SEMA6A: variants seen among roughly 807,000 people sequenced by gnomAD.
SEMA6A encodes the protein semaphorin 6A.
A neutral mutation model predicts 96.8 loss-of-function variants in SEMA6A; 25 were observed. The ratio of observed to expected loss-of-function variants is 0.26; its 90% CI spans 0.19 to 0.36. SEMA6A has a LOEUF of 0.36. Among genes scored for constraint, SEMA6A ranks in the 10% least tolerant of loss-of-function variants. The probability of loss-of-function intolerance (pLI) is 1.00; values close to 1 mark genes in which losing one functional copy is unlikely to be tolerated. For synonymous variants in SEMA6A, 612 were observed against 518.0 expected, an observed-to-expected ratio of 1.18 and a Z score of -2.46; for missense variants, 1,363 against 1,323.1, an observed-to-expected ratio of 1.03 and a Z score of -0.47.
chr5:116,504,046 C>A (rs1758026241), intron 2 of SEMA6A, among the ~76,000 whole-genome samples: 1 of 152,130 alleles, frequency 6.6e-6, no homozygotes, highest in African/African-American at 2.4e-5. Flanking sequence ...AACAGCTGAA[C>A]ACTGGGCATA....
intron 6 of SEMA6A, among the ~76,000 whole-genome samples, chr5:116,494,500 A>T (rs765581416): frequency 3.9e-5 from 6 of 152,188 alleles, no homozygotes; most frequent in Non-Finnish European, 8.8e-5. Context: ...AACAGGTAGG[A>T]AAGTTTGAAG....
intron 1 of SEMA6A, among the ~76,000 whole-genome samples, chr5:116,570,335 C>T (rs1580529619): frequency 6.9e-6 from 1 of 145,412 alleles, no homozygotes; most frequent in Non-Finnish European, 1.5e-5. Context: ...CCAAGGCACC[C>T]CAAGAGAGTG....
chr5:116,446,215 G>A lies in SEMA6A; in HGVS notation c.*398C>T, dbSNP rs1754189183. Reference sequence around the variant, plus strand: ...CGTCCCGTGAAGTTGTGGACAAAATGTTTCAGTTTCTGTTCACCTCTGTGC... The same window carrying A: ...CGTCCCGTGAAGTTGTGGACAAAATATTTCAGTTTCTGTTCACCTCTGTGC... On this transcript the variant is annotated 3_prime_UTR_variant, in exon 19 of 19. Coordinates refer to ENST00000343348, the MANE Select transcript of SEMA6A (RefSeq NM_020796.5). 1 of 176,112 alleles carries A rather than the reference G, an allele frequency of 5.7e-6. No homozygotes were observed. The highest frequency in any genetic ancestry group is 1.2e-5 in the Non-Finnish European group (1 of 85,230). 10.9% of individuals were successfully genotyped at this position (176,112 alleles called of 1,614,324 possible).
chr5:116,478,628 G>T lies in SEMA6A; in HGVS notation c.1341C>A (p.Ile447=). Residue 447 remains isoleucine (I), a synonymous_variant, in exon 13 of 19, where the codon ATC becomes ATA. Transcript: ENST00000343348. ...VVFLGSEKGI[I]LKFLARIGNS... is the part of the protein sequence containing the mutation. ...TTCCTATTCTGGCCAAAAACTTCAAGATGATTCCCTTCTCTGATCCCAGAA... is the reference window on the plus strand; with the variant it reads ...TTCCTATTCTGGCCAAAAACTTCAATATGATTCCCTTCTCTGATCCCAGAA... 1.2e-6 allele frequency: 2 copies of T among 1,613,606 alleles called. No homozygotes were observed. The highest frequency in any genetic ancestry group is 1.7e-6 in the Non-Finnish European group (2 of 1,179,782).
chr5:116,491,774 A>G lies in SEMA6A; in HGVS notation c.501T>C (p.Tyr167=). 6.2e-7 allele frequency: 1 copy of G among 1,613,884 alleles called. No homozygotes were observed. The highest frequency in any genetic ancestry group is 8.5e-7 in the Non-Finnish European group (1 of 1,179,790). ...DEFSGMARCP[Y]DAKHANVALF... is the part of the protein sequence containing the mutation. ...GTGCAACGTTGGCATGTTTGGCATC[A>G]TATGGGCATCTGGCCATTCCGCTGA... is the stretch of plus-strand genomic sequence containing the variant. Residue 167 remains tyrosine, a synonymous_variant, in exon 7 of 19, where the codon TAT becomes TAC. Transcript: ENST00000343348.
rs1754271222 is a variant in SEMA6A at position 116,447,142 on chromosome 5, A to C, written c.2564T>G (p.Ile855Ser). Reference protein sequence around the residue: ...DQAATLEYKTIKEHLSSKSPN... With the variant: ...DQAATLEYKTSKEHLSSKSPN... ...ACTCTTGCTGCTGAGATGTTCCTTGATGGTCTTATACTCCAGTGTGGCGGC... is the reference window on the plus strand; with the variant it reads ...ACTCTTGCTGCTGAGATGTTCCTTGCTGGTCTTATACTCCAGTGTGGCGGC... The change falls in exon 19 of 19, where the codon ATC becomes AGC. Residue 855 changes from isoleucine to serine, a missense_variant. Ile to Ser is a moderately radical substitution (Grantham distance 142). Around this residue, in one of 2 missense-constraint regions of SEMA6A, gnomAD observed 883 missense variants for 763.6 expected, o/e 1.16. Transcript: ENST00000343348. 2 of 1,613,800 alleles carry C rather than the reference A, an allele frequency of 1.2e-6. No homozygotes were observed. Among genetic ancestry groups the C allele is most frequent in the Non-Finnish European group, 1.7e-6 (2 of 1,179,838 alleles).
At chr5:116,487,399 A>G (rs1460117301) in intron 9 of SEMA6A, among the ~76,000 whole-genome samples, 1 of 152,214 alleles carries the variant, frequency 6.6e-6, no homozygotes, top group Admixed American at 6.5e-5. Flanking sequence ...TCTGGTAAAA[A>G]GAACTAAAAT....
chr5:116,521,555 T>C (rs762795620), intron 1 of SEMA6A, among the ~76,000 whole-genome samples: 24 of 152,214 alleles, frequency 1.6e-4, no homozygotes, highest in Non-Finnish European at 3.2e-4. Flanking sequence ...TCTCTCATCC[T>C]TCAACACATG....
At chr5:116,521,356 CAT>C (rs1414539301) in intron 1 of SEMA6A, among the ~76,000 whole-genome samples, 1 of 152,198 alleles carries the variant, frequency 6.6e-6, no homozygotes, top group African/African-American at 2.4e-5. Context: ...CCCAGTGACT[CAT>C]AACTTTCTTT....
chr5:116,500,662 A>G (rs1430454260), intron 3 of SEMA6A, among the ~76,000 whole-genome samples: 1 of 152,128 alleles, frequency 6.6e-6, no homozygotes, highest in Non-Finnish European at 1.5e-5. Context: ...CTTTAGAAGA[A>G]TCAACCACTG....
intron 1 of SEMA6A, among the ~76,000 whole-genome samples, chr5:116,506,316 A>G (rs946794051): frequency 2.0e-5 from 3 of 152,224 alleles, no homozygotes; most frequent in African/African-American, 4.8e-5. Context: ...AATTTGCTTT[A>G]TCTTGAAAAT....
chr5:116,566,938 C>T (rs1025898447), intron 1 of SEMA6A, among the ~76,000 whole-genome samples: 8 of 152,182 alleles, frequency 5.3e-5, no homozygotes, highest in African/African-American at 1.4e-4. Flanking sequence ...CTCAAGGGTT[C>T]CAATCAGCAG....
intron 10 of SEMA6A, among the ~76,000 whole-genome samples, chr5:116,485,083 A>G (rs1236403196): frequency 6.6e-6 from 1 of 152,222 alleles, no homozygotes; most frequent in Admixed American, 6.5e-5. Context: ...TATAATTTAT[A>G]GATGACAATG....
chr5:116,509,360 A>C (rs1554088424), intron 1 of SEMA6A, among the ~76,000 whole-genome samples: 1 of 152,208 alleles, frequency 6.6e-6, no homozygotes, highest in Non-Finnish European at 1.5e-5. Context: ...AATTCTTTTA[A>C]AAAGCTCATT....
chr5:116,478,774 C>G, intron 12 of SEMA6A, 56 bp from the exon 13 acceptor site: 5 of 1,537,806 alleles, frequency 3.3e-6, no homozygotes, highest in Non-Finnish European at 3.5e-6. Flanking sequence ...TTAAAGTGTT[C>G]CCTGTTCCAC....
intron 1 of SEMA6A, among the ~76,000 whole-genome samples, chr5:116,518,654 T>A (rs373850656): frequency 6.6e-6 from 1 of 152,212 alleles, no homozygotes; most frequent in East Asian, 1.9e-4. Flanking sequence ...CACTCTAGCA[T>A]AGCACAAGGA....
intron 7 of SEMA6A, among the ~76,000 whole-genome samples, chr5:116,489,295 A>C (rs1757214610): frequency 6.6e-6 from 1 of 152,082 alleles, no homozygotes; most frequent in African/African-American, 2.4e-5. Flanking sequence ...TGTCTGCTTC[A>C]CTTGATTAGC....
intron 1 of SEMA6A, among the ~76,000 whole-genome samples, chr5:116,568,318 A>G (rs1163544998): frequency 2.0e-5 from 3 of 152,352 alleles, no homozygotes; most frequent in East Asian, 3.9e-4. Context: ...CAATTAAAAT[A>G]ATGCAGCCAC....
At chr5:116,566,639 A>C (rs1238132852) in intron 1 of SEMA6A, among the ~76,000 whole-genome samples, 1 of 152,240 alleles carries the variant, frequency 6.6e-6, no homozygotes, top group Non-Finnish European at 1.5e-5. Context: ...TGGTGATAAC[A>C]TCAATTTATT....
Sources: gnomAD v4.1 joint callset for allele counts (sites outside exome capture counted in the v4.1 genomes callset) on GRCh38, gnomAD v4.1.1 for gene constraint, gnomAD v4.1.1 regional missense constraint, MANE v1.5 for transcripts, NCBI Gene and HGNC (gene_info 2026-07-23, HGNC 2026-07-21) for gene names.